The following RUSF1 variants were observed in gnomAD, a reference collection of about 807,000 sequenced individuals.
The protein encoded by RUSF1 is RUS1 family protein C16orf58.
In RUSF1, 58 loss-of-function variants were observed where a neutral mutation model predicts 63.0. The observed-to-expected ratio is 0.92, with a 90% CI of 0.75 to 1.15. RUSF1 has a LOEUF of 1.15. RUSF1 is among the 50% of genes most tolerant of loss of function. The probability of loss-of-function intolerance (pLI) is 0.00; values close to 1 mark genes in which losing one functional copy is unlikely to be tolerated. For synonymous variants in RUSF1, 274 were observed against 255.8 expected (o/e 1.07, Z -0.68); for missense variants, 652 against 611.0 (o/e 1.07, Z -0.71).
chr16:31,500,024 T>G (rs1454227292), intron 3 of RUSF1, among the ~76,000 whole-genome samples: 1 of 152,148 alleles, frequency 6.6e-6, no homozygotes, highest in Admixed American at 6.5e-5. Flanking sequence ...GGCTCCGACA[T>G]CCAGGCCTAG....
rs891345491 is a variant in RUSF1, at chr16:31,494,395, C to T, written c.703-459G>A. Among the ~76,000 whole-genome samples the T allele has an allele frequency of 7.9e-5, 12 of 151,946 alleles. No homozygotes were observed. The South Asian group carries it at 1.9e-3, about 24-fold the overall frequency. ...AAAAAACTAGCCAGGTATGGTGGCG[C>T]GTGCCTCTACTCCCAGCTACTCAGG... On this transcript the variant is annotated intron_variant, in intron 6 of 12. Coordinates refer to ENST00000327237, the MANE Select transcript of RUSF1 (RefSeq NM_022744.4).
chr16:31,498,447 T>C (rs896170624), intron 5 of RUSF1, among the ~76,000 whole-genome samples: 5 of 152,194 alleles, frequency 3.3e-5, no homozygotes, highest in African/African-American at 4.8e-5. Context: ...CCCCAAATGC[T>C]AGTACTTATG....
At chr16:31,491,896 G>C in intron 12 of RUSF1, 113 bp downstream of exon 12, 1 of 1,155,254 alleles carries the variant, frequency 8.7e-7, no homozygotes, top group South Asian at 1.4e-5. Flanking sequence ...TCTGCACCAG[G>C]CCCAAGAACC....
At position 31,493,250 on chromosome 16, in the gene RUSF1, C is replaced by A; in HGVS notation, c.1017-202G>T. ...TCCAGTCATCCAACTTCCCCATCTA[C>A]CCATCCTTCCTTCACCCATCAAGCA... On this transcript the variant is annotated intron_variant, in intron 9 of 12. Transcript: ENST00000327237. The A allele has an allele frequency of 5.8e-6, 5 of 859,270 alleles. No homozygotes were observed. The Admixed American group carries it at 1.0e-4, about 17-fold the overall frequency. 53.2% of individuals were successfully genotyped at this position (859,270 alleles called of 1,614,324 possible). A position where few individuals can be genotyped will look rare whatever the true frequency, so the allele number is the denominator to read the frequency against.
intron 6 of RUSF1, among the ~76,000 whole-genome samples, chr16:31,495,596 A>G (rs910259954): frequency 6.6e-6 from 1 of 151,878 alleles, no homozygotes; most frequent in Admixed American, 6.5e-5. Flanking sequence ...AGAGAACAGG[A>G]GAGGGACACC....
Position 31,493,644 on chromosome 16 carries a change from A to G in RUSF1, c.917T>C (p.Leu306Pro), listed in dbSNP as rs1194463826. 3 of 1,614,110 alleles carry G rather than the reference A, an allele frequency of 1.9e-6. No homozygotes were observed. The highest frequency in any genetic ancestry group is 2.5e-6 in the Non-Finnish European group (3 of 1,180,048). ...LKHYLQRGEV[L>P]DPTAANRMEP... Reference sequence around the variant, plus strand: ...CATGCGATTGGCTGCAGTTGGGTCGAGTACCTCTCCCCTCTGAAGGTAGTG... The same window carrying G: ...CATGCGATTGGCTGCAGTTGGGTCGGGTACCTCTCCCCTCTGAAGGTAGTG... Residue 306 changes from leucine (L) to proline (P), a missense_variant, in exon 8 of 13, where the codon CTC (leucine) becomes CCC (proline). Transcript: ENST00000327237.
At position 31,508,114 on chromosome 16, in the gene RUSF1, C is replaced by A. The variant is rs746193765; in HGVS notation, c.260G>T (p.Ser87Ile). The A allele has an allele frequency of 5.6e-6, 9 of 1,604,488 alleles. No homozygotes were observed. Among genetic ancestry groups the A allele is most frequent in the Non-Finnish European group, 7.7e-6 (9 of 1,176,074 alleles). The change falls in exon 1 of 13, where the codon AGC (serine) becomes ATC (isoleucine). Residue 87 changes from serine (S) to isoleucine (I), a missense_variant. Coordinates refer to ENST00000327237, the MANE Select transcript of RUSF1 (RefSeq NM_022744.4). ...CAGCTGGTAGGGCAAGTAGTCCGGG[C>A]TGACGCTATCAGGGAAGCCCTGAGG... Reference protein sequence around the residue: ...FLPQGFPDSVSPDYLPYQLWD... With the variant: ...FLPQGFPDSVIPDYLPYQLWD...
intron 4 of RUSF1, 29 bp downstream of exon 4, chr16:31,499,464 T>TC: frequency 6.2e-7 from 1 of 1,601,368 alleles, no homozygotes; most frequent in Non-Finnish European, 8.5e-7. Context: ...AATGGAAGAC[T>TC]CCCCTCCCCC....
At chr16:31,503,741 C>T (rs2082643672) in intron 2 of RUSF1, among the ~76,000 whole-genome samples, 1 of 152,204 alleles carries the variant, frequency 6.6e-6, no homozygotes, top group Non-Finnish European at 1.5e-5. Flanking sequence ...CGGCTCACCA[C>T]AACCTCCGCC....
chr16:31,495,132 C>CT (rs765259154), intron 6 of RUSF1, among the ~76,000 whole-genome samples: 1 of 152,172 alleles, frequency 6.6e-6, no homozygotes, highest in Non-Finnish European at 1.5e-5. Flanking sequence ...GGAGAACACT[C>CT]TGATGGCTGG....
At chr16:31,494,795 T>C (rs2082593695) in intron 6 of RUSF1, among the ~76,000 whole-genome samples, 1 of 151,624 alleles carries the variant, frequency 6.6e-6, no homozygotes, top group Non-Finnish European at 1.5e-5. Context: ...CACAGCCACC[T>C]CAAACTCCTG....
chr16:31,505,475 T>G (rs528521650), intron 2 of RUSF1, among the ~76,000 whole-genome samples: 2 of 152,268 alleles, frequency 1.3e-5, no homozygotes, highest in South Asian at 4.1e-4. Flanking sequence ...GTCTTATTTC[T>G]TTTCTCAGTC....
intron 10 of RUSF1, 123 bp downstream of exon 10, chr16:31,492,855 G>A: frequency 1.1e-6 from 1 of 930,890 alleles, no homozygotes; most frequent in South Asian, 1.7e-5. Context: ...AATTTGAACG[G>A]TCTAGAGCAA....
intron 6 of RUSF1, among the ~76,000 whole-genome samples, chr16:31,496,338 G>C (rs1345614588): frequency 6.6e-6 from 1 of 152,194 alleles, no homozygotes; most frequent in Non-Finnish European, 1.5e-5. Context: ...TAGGATGACA[G>C]GCGTGAGAGT....
intron 2 of RUSF1, among the ~76,000 whole-genome samples, chr16:31,504,652 T>C (rs2082649195): frequency 1.3e-5 from 2 of 152,222 alleles, no homozygotes; most frequent in Admixed American, 1.3e-4. Flanking sequence ...GCAGACACGA[T>C]GCCACCAGTA....
At position 31,508,313 on chromosome 16, in the gene RUSF1, C is replaced by A; in HGVS notation, c.61G>T (p.Ala21Ser). The change falls in exon 1 of 13, where the codon GCA becomes TCA. Residue 21 changes from alanine (A) to serine (S), a missense_variant. Physicochemically the swap from Ala to Ser is moderately conservative, Grantham distance 99. Coordinates refer to ENST00000327237, the MANE Select transcript of RUSF1 (RefSeq NM_022744.4). ...TCCGCGGCGGCGCGGCAGCCCCGTG[C>A]CTCCCCGGAGCCGAACTGCTCGGAA... ...LCSEQFGSGEARGCRAAADGS... is the reference protein window; with the variant it reads ...LCSEQFGSGESRGCRAAADGS... 2 of 1,578,008 alleles carry A rather than the reference C, an allele frequency of 1.3e-6. No individual in the cohort carries two copies. Among genetic ancestry groups the A allele is most frequent in the African/African-American group, 1.3e-5 (1 of 74,400 alleles).
intron 12 of RUSF1, 87 bp from the exon 13 acceptor site, chr16:31,491,019 T>G: frequency 7.9e-7 from 1 of 1,267,158 alleles, no homozygotes; most frequent in Non-Finnish European, 1.1e-6. Flanking sequence ...TGTGCACTAC[T>G]GGGGCTCCCA....
At chr16:31,496,148 A>G (rs1233199916) in intron 6 of RUSF1, among the ~76,000 whole-genome samples, 1 of 152,080 alleles carries the variant, frequency 6.6e-6, no homozygotes, top group East Asian at 1.9e-4. Context: ...CAGTGGGGTG[A>G]TCTTAGCTCA....
At chr16:31,501,415 C>T (rs981299502) in intron 2 of RUSF1, among the ~76,000 whole-genome samples, 8 of 151,986 alleles carry the variant, frequency 5.3e-5, no homozygotes, top group Non-Finnish European at 2.9e-5. Context: ...GGCAACACAG[C>T]AAGACCCCAT....
Sources: allele counts gnomAD v4.1 joint callset (sites outside exome capture counted in the v4.1 genomes callset), GRCh38; gene constraint gnomAD v4.1.1; transcripts MANE v1.5; gene names NCBI Gene and HGNC (gene_info 2026-07-23, HGNC 2026-07-21).